The following DLG5 variants were observed in gnomAD, a reference collection of about 807,000 sequenced individuals.
DLG5 encodes the protein discs large MAGUK scaffold protein 5, also known as disks large homolog 5.
DLG5 carries 48 observed loss-of-function variants against 189.8 expected under a neutral mutation model. The observed-to-expected ratio is 0.25, with a 90% CI of 0.20 to 0.32. DLG5 has a LOEUF of 0.32. DLG5 is among the 10% of genes least tolerant of loss of function. DLG5 has a pLI of 1.00. For synonymous variants in DLG5, 1,016 were observed against 1,054.1 expected, an observed-to-expected ratio of 0.96 and a Z score of 0.70; for missense variants, 2,160 against 2,544.7, an observed-to-expected ratio of 0.85 and a Z score of 3.25.
chr10:77,842,270 G>T, intron 6 of DLG5, 77 bp from the exon 7 acceptor site: 1 of 1,517,418 alleles, frequency 6.6e-7, no homozygotes, highest in Non-Finnish European at 8.9e-7. Flanking sequence ...GCTGCCTCCC[G>T]CCAGCTCTAC....
At chr10:77,845,934 TAAAAAAAAAAA>T (rs1209911526) in intron 5 of DLG5, among the ~76,000 whole-genome samples, 1 of 97,518 alleles carries the variant, frequency 1.0e-5, no homozygotes, top group African/African-American at 4.2e-5. Context: ...AATCTTTCTT[TAAAAAAAAAAA>T]AAAAAAAAAA....
At chr10:77,851,887 A>G (rs1843992670) in intron 5 of DLG5, among the ~76,000 whole-genome samples, 1 of 152,182 alleles carries the variant, frequency 6.6e-6, no homozygotes, top group South Asian at 2.1e-4. Flanking sequence ...GTCGCCCCAG[A>G]GGGGATATCA....
intron 3 of DLG5, among the ~76,000 whole-genome samples, chr10:77,854,924 G>A (rs1032842185): frequency 6.6e-6 from 1 of 151,482 alleles, no homozygotes; most frequent in Non-Finnish European, 1.5e-5. Context: ...AGGAGGTCGA[G>A]GATGCAGTGA....
rs138160841 is a variant in DLG5 at position 77,829,623 on chromosome 10, G to C, written c.2010-93C>G. The C allele has an allele frequency of 2.5e-4, 364 of 1,427,764 alleles. No individual in the cohort carries two copies. The African/African-American group carries it at 4.3e-3, about 17-fold the overall frequency. The allele number at this position is 1,427,764 out of a possible 1,614,324, so 88.4% of individuals were successfully genotyped here. On this transcript the variant is annotated intron_variant, in intron 11 of 31. Coordinates refer to ENST00000372391, the MANE Select transcript of DLG5 (RefSeq NM_004747.4). ...CTCACTCAGGGGGCTGACTGCCAAG[G>C]AGTGGGTGCCTCACATACACGCTCA...
At chr10:77,904,120 G>A (rs1375702155) in intron 1 of DLG5, among the ~76,000 whole-genome samples, 2 of 152,162 alleles carry the variant, frequency 1.3e-5, no homozygotes, top group African/African-American at 4.8e-5. Flanking sequence ...GTTTGAGGCT[G>A]TAGTGCACAA....
intron 5 of DLG5, among the ~76,000 whole-genome samples, chr10:77,844,545 C>T (rs1022035218): frequency 6.6e-6 from 1 of 152,110 alleles, no homozygotes; most frequent in Non-Finnish European, 1.5e-5. Context: ...GGTGTAGGGT[C>T]CCCCCGCATC....
chr10:77,813,772 CCAGGTTCCCAGGTTCCAGT>C (rs1841900097), intron 20 of DLG5, among the ~76,000 whole-genome samples: 2 of 152,224 alleles, frequency 1.3e-5, no homozygotes, highest in Admixed American at 1.3e-4. Context: ...ATGATCTGAA[CCAGGTTCCCAGGTTCCAGT>C]GACATGCAAA....
intron 1 of DLG5, among the ~76,000 whole-genome samples, chr10:77,920,868 G>A (rs1846515516): frequency 6.6e-6 from 1 of 152,182 alleles, no homozygotes; most frequent in Non-Finnish European, 1.5e-5. Context: ...AAAGGTTGTG[G>A]AATATTCTAA....
chr10:77,836,042 G>A (rs912684011), intron 7 of DLG5, 120 bp from the exon 8 acceptor site: 1 of 1,073,818 alleles, frequency 9.3e-7, no homozygotes, highest in African/African-American at 1.6e-5. Flanking sequence ...GGGAAACACG[G>A]AGCCCATCGC....
intron 1 of DLG5, among the ~76,000 whole-genome samples, chr10:77,886,699 A>G (rs895314630): frequency 5.9e-5 from 9 of 152,138 alleles, no homozygotes; most frequent in African/African-American, 1.9e-4. Context: ...CCCAAAATCC[A>G]TATGTTAAAG....
chr10:77,837,630 C>A (rs1843211169), intron 7 of DLG5, among the ~76,000 whole-genome samples: 1 of 152,196 alleles, frequency 6.6e-6, no homozygotes, highest in African/African-American at 2.4e-5. Context: ...AATTTGGAAG[C>A]CCAGAGGACC....
At chr10:77,923,395 A>G in intron 1 of DLG5, among the ~76,000 whole-genome samples, 1 of 152,180 alleles carries the variant, frequency 6.6e-6, no homozygotes, top group East Asian at 1.9e-4. Context: ...CATAAGGAAT[A>G]CTTCCTGGCT....
At chr10:77,827,591 G>A (rs58395935) in intron 13 of DLG5, among the ~76,000 whole-genome samples, 3,121 of 152,232 alleles carry the variant, frequency 0.021, 113 homozygotes, top group African/African-American at 0.071. Context: ...GCAATCTCAC[G>A]GCATTTGTAG....
intron 1 of DLG5, among the ~76,000 whole-genome samples, chr10:77,914,297 G>A (rs1387791134): frequency 7.2e-5 from 11 of 152,166 alleles, no homozygotes; most frequent in Non-Finnish European, 1.6e-4. Flanking sequence ...TATGCCCTGG[G>A]ATGCCTCCTG....
chr10:77,854,110 C>G, intron 4 of DLG5, 117 bp downstream of exon 4: 1 of 1,346,106 alleles, frequency 7.4e-7, no homozygotes, highest in Non-Finnish European at 1.0e-6. Context: ...AGACTGCTTG[C>G]TCTTGCACAG....
chr10:77,892,199 T>C (rs541435189), intron 1 of DLG5, among the ~76,000 whole-genome samples: 1 of 152,190 alleles, frequency 6.6e-6, no homozygotes, highest in African/African-American at 2.4e-5. Context: ...CAGTAGCACA[T>C]CTGACACGTG....
At chr10:77,819,721 ATG>A in intron 16 of DLG5, 172 bp downstream of exon 16, 1 of 1,178,028 alleles carries the variant, frequency 8.5e-7, no homozygotes, top group South Asian at 1.5e-5. Flanking sequence ...AAGCTAAGAC[ATG>A]TCATGGCTAT....
chr10:77,888,737 A>G (rs1053864593), intron 1 of DLG5, among the ~76,000 whole-genome samples: 4 of 152,176 alleles, frequency 2.6e-5, no homozygotes, highest in African/African-American at 9.7e-5. Context: ...GACCATCCCA[A>G]ACCCCGTTAA....
intron 13 of DLG5, among the ~76,000 whole-genome samples, chr10:77,826,960 T>A (rs1589165465): frequency 6.6e-6 from 1 of 152,014 alleles, no homozygotes; most frequent in East Asian, 1.9e-4. Context: ...AAAATAATAA[T>A]AAAAACAAAA....
Sources: gnomAD v4.1 joint callset for allele counts (sites outside exome capture counted in the v4.1 genomes callset) on GRCh38, gnomAD v4.1.1 for gene constraint, MANE v1.5 for transcripts, NCBI Gene and HGNC (gene_info 2026-07-23, HGNC 2026-07-21) for gene names.